Variants in EIF4G1 observed in about 807,000 individuals in gnomAD.
The protein encoded by EIF4G1 is eukaryotic translation initiation factor 4 gamma 1, also known as EIF4-gamma.
EIF4G1 carries 4 observed loss-of-function variants against 187.8 expected under a neutral mutation model. That is an observed-to-expected ratio of 0.02 (90% CI 0.01 to 0.05). The LOEUF (loss-of-function observed/expected upper bound fraction) is 0.05, where lower values mean the gene tolerates loss of function less well. Ranked by LOEUF, EIF4G1 falls within the 10% of genes least tolerant of loss-of-function variation. EIF4G1 has a pLI of 1.00. For synonymous variants in EIF4G1, 844 were observed against 781.4 expected (o/e 1.08, Z -1.34); for missense variants, 1,647 against 2,081.1 (o/e 0.79, Z 4.06).
At position 184,323,057 on chromosome 3, in the gene EIF4G1, G is replaced by C; in HGVS notation, c.1930-26G>C. 1 of 1,614,206 alleles carries C rather than the reference G, an allele frequency of 6.2e-7. No homozygotes were observed. Among genetic ancestry groups the C allele is most frequent in the Non-Finnish European group, 8.5e-7 (1 of 1,180,048 alleles). Reference sequence around the variant, plus strand: ...TAGTCAACCGCTCTAGCCTGCTTCTGAGACCTTTTCCTGTCCTCTTTGCAG... The same window carrying C: ...TAGTCAACCGCTCTAGCCTGCTTCTCAGACCTTTTCCTGTCCTCTTTGCAG... On this transcript the variant is annotated intron_variant, in intron 13 of 32. Coordinates refer to ENST00000346169, the MANE Select transcript of EIF4G1 (RefSeq NM_198241.3). The surrounding 1 kb of genome is among the most constrained non-coding windows in gnomAD (Gnocchi z 6.9).
In EIF4G1 at chr3:184,327,919, T is replaced by C. The variant is rs1560226000; in HGVS notation, c.3870T>C (p.Ser1290=). The change falls in exon 26 of 33, where the codon AGT becomes AGC. Residue 1290 remains serine (S), a synonymous_variant. Transcript: ENST00000346169. ...RHGVESTLER[S]AIAREHMGQL... is the part of the protein sequence containing the mutation. Reference sequence around the variant, plus strand: ...GTGTCGAGTCTACGCTGGAGCGCAGTGCCATTGCTCGTGAGCATATGGGGC... The same window carrying C: ...GTGTCGAGTCTACGCTGGAGCGCAGCGCCATTGCTCGTGAGCATATGGGGC... 6.2e-7 allele frequency: 1 copy of C among 1,613,280 alleles called. No homozygotes were observed.
At chr3:184,327,096 T>A in intron 23 of EIF4G1, 113 bp downstream of exon 23, 3 of 1,569,364 alleles carry the variant, frequency 1.9e-6, no homozygotes, top group Non-Finnish European at 2.6e-6. Flanking sequence ...AGCCCTTGGG[T>A]TAGATTGGGG....
chr3:184,321,028 A>C, intron 9 of EIF4G1, 35 bp downstream of exon 9: 1 of 1,608,826 alleles, frequency 6.2e-7, no homozygotes, highest in Non-Finnish European at 8.5e-7. Flanking sequence ...TTTTATGGGG[A>C]AAGGGAATGT....
chr3:184,319,877 G>A (rs568102045), intron 7 of EIF4G1, 76 bp downstream of exon 7: 50 of 1,074,128 alleles, frequency 4.7e-5, no homozygotes, highest in South Asian at 3.1e-4. Context: ...ACATTGTGCC[G>A]GAAAGAGCAG....
In EIF4G1 at chr3:184,321,905, A is replaced by G. The variant is rs1723951965; in HGVS notation, c.1321A>G (p.Thr441Ala). Residue 441 changes from threonine to alanine, a missense_variant, in exon 10 of 33, where the codon ACT becomes GCT. Physicochemically the swap from Thr to Ala is moderately conservative, Grantham distance 58 (BLOSUM62 0). Coordinates refer to ENST00000346169, the MANE Select transcript of EIF4G1 (RefSeq NM_198241.3). Reference sequence around the variant, plus strand: ...GGCGCCCCCCACCATCCCCTCTGCTACTCCAGCTACGGCTCCTTCAGCTAC... The same window carrying G: ...GGCGCCCCCCACCATCCCCTCTGCTGCTCCAGCTACGGCTCCTTCAGCTAC... ...SMAPPTIPSA[T>A]PATAPSATSP... is the part of the protein sequence containing the mutation. The G allele has an allele frequency of 6.2e-7, 1 of 1,613,986 alleles. No individual in the cohort carries two copies. The highest frequency in any genetic ancestry group is 1.1e-5 in the South Asian group (1 of 91,084).
Position 184,335,205 on chromosome 3 carries a change from C to CTT in EIF4G1, c.*304_*305dup. On this transcript the variant is annotated 3_prime_UTR_variant, in exon 33 of 33. Coordinates refer to ENST00000346169, the MANE Select transcript of EIF4G1 (RefSeq NM_198241.3). ...GGCACCAACGCCTGCCCCTGGGGTC[C>CTT]TTTTTTTTATTTTCTGAAAATCACT... 1 of 382,716 alleles carries CTT rather than the reference C, an allele frequency of 2.6e-6. No homozygotes were observed. The highest frequency in any genetic ancestry group is 4.8e-6 in the Non-Finnish European group (1 of 206,904). The allele number at this position is 382,716 out of a possible 1,614,324, so 23.7% of individuals were successfully genotyped here. A position where few individuals can be genotyped will look rare whatever the true frequency, so the allele number is the denominator to read the frequency against.
chr3:184,331,683 AG>A, intron 30 of EIF4G1, 44 bp from the exon 31 acceptor site: 1 of 1,613,912 alleles, frequency 6.2e-7, no homozygotes, highest in Non-Finnish European at 8.5e-7. Flanking sequence ...TGAAGACTGA[AG>A]GGCCCAATTC....
Position 184,321,679 on chromosome 3 carries a change from C to T in EIF4G1, c.1095C>T (p.Val365=), listed in dbSNP as rs1386247074. The T allele has an allele frequency of 3.1e-6, 5 of 1,597,684 alleles. No homozygotes were observed. Among genetic ancestry groups the T allele is most frequent in the Admixed American group, 1.7e-5 (1 of 58,984 alleles). The change falls in exon 10 of 33, where the codon GTC becomes GTT. Residue 365 remains valine (V), a synonymous_variant. Coordinates refer to ENST00000346169, the MANE Select transcript of EIF4G1 (RefSeq NM_198241.3). ...AAATTCATGAGCCTAATGGCATGGTCCCATCTGAAGATCTGGAACCAGAGG... is the reference window on the plus strand; with the variant it reads ...AAATTCATGAGCCTAATGGCATGGTTCCATCTGAAGATCTGGAACCAGAGG... ...TVEIHEPNGM[V]PSEDLEPEVE...
intron 21 of EIF4G1, among the ~76,000 whole-genome samples, 190 bp from the exon 22 acceptor site, chr3:184,326,337 A>G (rs1378265972): frequency 6.6e-6 from 1 of 152,212 alleles, no homozygotes; most frequent in Non-Finnish European, 1.5e-5. Flanking sequence ...GCATGCCTTT[A>G]TCATCTACAG....
rs1443519534 is a variant in EIF4G1, at chr3:184,321,381, C to T, written c.797C>T (p.Pro266Leu). The T allele has an allele frequency of 5.6e-6, 9 of 1,614,050 alleles. No homozygotes were observed. The highest frequency in any genetic ancestry group is 1.1e-5 in the South Asian group (1 of 91,088). ...ESQPSSPSPT[P>L]SPSPVLEPGS... is the part of the protein sequence containing the mutation. ...CAGCCTTCGTCGCCTTCTCCGACCC[C>T]ATCACCATCCCCAGTCTTGGAACCG... The change falls in exon 10 of 33, where the codon CCA (proline) becomes CTA (leucine). Residue 266 changes from proline (P) to leucine (L), a missense_variant. By Grantham distance (98) the Pro-to-Leu change is moderately conservative. Transcript: ENST00000346169.
At position 184,331,822 on chromosome 3, in the gene EIF4G1, A is replaced by G. The variant is rs756429213; in HGVS notation, c.4477+13A>G. 1.2e-6 allele frequency: 2 copies of G among 1,614,170 alleles called. No homozygotes were observed. Among genetic ancestry groups the G allele is most frequent in the Non-Finnish European group, 8.5e-7 (1 of 1,180,042 alleles). ...TCTGCAATTATTTGTAAGAGGAACC[A>G]GGGAGATGGAGGGGCAAGGGTGGGC... On this transcript the variant is annotated intron_variant, in intron 31 of 32. Coordinates refer to ENST00000346169, the MANE Select transcript of EIF4G1 (RefSeq NM_198241.3).
At chr3:184,326,735 G>A (rs746041466) in intron 22 of EIF4G1, 106 bp downstream of exon 22, 49 of 1,478,360 alleles carry the variant, frequency 3.3e-5, no homozygotes, top group South Asian at 5.7e-5. Context: ...TAGGCAATGC[G>A]GGCAATAGAG....
Position 184,319,464 on chromosome 3 carries a change from TGTTTG to T in EIF4G1, c.425-224_425-220del, listed in dbSNP as rs1723441800. Among the ~76,000 whole-genome samples the T allele has an allele frequency of 2.4e-4, 3 of 12,434 alleles. No individual in the cohort carries two copies. The East Asian group carries it at 3.7e-3, about 15-fold the overall frequency. 8.2% of individuals were successfully genotyped at this position (12,434 alleles called of 152,430 possible). ...GTGTGTGTGTGTGTGTGTGTGTGTGTGTTTGTGTGTGTGTGTGTGTTAGGAATTCT... is the reference window on the plus strand; with the variant it reads ...GTGTGTGTGTGTGTGTGTGTGTGTGTTGTGTGTGTGTGTGTTAGGAATTCT... On this transcript the variant is annotated intron_variant, in intron 6 of 32. Transcript: ENST00000346169.
chr3:184,333,955 G>T (rs1413329341), intron 32 of EIF4G1, among the ~76,000 whole-genome samples: 2 of 152,272 alleles, frequency 1.3e-5, no homozygotes, highest in South Asian at 2.1e-4. Context: ...AGGTGACTGT[G>T]CCCCTAGGCA....
In EIF4G1 at chr3:184,322,817, G is replaced by A. The variant is rs1164016797; in HGVS notation, c.1796-4G>A. The A allele has an allele frequency of 1.2e-6, 2 of 1,614,120 alleles. No homozygotes were observed. The highest frequency in any genetic ancestry group is 1.7e-6 in the Non-Finnish European group (2 of 1,180,060). Reference sequence around the variant, plus strand: ...ATGATTGCTTCATTCTGTTTTCCTTGCAGATCAGTGGAAGCCTCTAAACCT... The same window carrying A: ...ATGATTGCTTCATTCTGTTTTCCTTACAGATCAGTGGAAGCCTCTAAACCT... On this transcript the variant is annotated splice_polypyrimidine_tract_variant and splice_region_variant and intron_variant, in intron 12 of 32. Transcript: ENST00000346169.
chr3:184,333,415 G>A (rs568698803), intron 32 of EIF4G1, among the ~76,000 whole-genome samples: 33 of 152,248 alleles, frequency 2.2e-4, no homozygotes, highest in Admixed American at 1.6e-3. Context: ...AAGAGGATAC[G>A]GGCTTGCCTG....
chr3:184,319,583 G>A (rs1376426082), intron 6 of EIF4G1, 106 bp from the exon 7 acceptor site: 37 of 775,394 alleles, frequency 4.8e-5, no homozygotes, highest in South Asian at 8.8e-5. Context: ...GCAAGGGGCC[G>A]GCTGTGGGTG....
At chr3:184,326,729 C>G (rs1188640178) in intron 22 of EIF4G1, 100 bp downstream of exon 22, 1 of 1,483,372 alleles carries the variant, frequency 6.7e-7, no homozygotes. Context: ...GGTGGTTAGG[C>G]AATGCGGGCA....
In EIF4G1 at chr3:184,323,618, C is replaced by G. The variant is rs1441733954; in HGVS notation, c.2274+25C>G. 1 of 1,613,520 alleles carries G rather than the reference C, an allele frequency of 6.2e-7. No homozygotes were observed. The highest frequency in any genetic ancestry group is 1.1e-5 in the South Asian group (1 of 91,038). The stretch of plus-strand genomic sequence containing the variant: ...GGTACTGGCAAGTCCTGCTTTTGGT[C>G]TCTCTCCATTTCTTCTCCAGGTCTG... On this transcript the variant is annotated intron_variant, in intron 15 of 32. Coordinates refer to ENST00000346169, the MANE Select transcript of EIF4G1 (RefSeq NM_198241.3). This position sits in a 1 kb window ranked among gnomAD's most constrained non-coding sequence, Gnocchi z 6.9.
Sources: gnomAD v4.1 joint callset for allele counts (sites outside exome capture counted in the v4.1 genomes callset) on GRCh38, gnomAD v4.1.1 for gene constraint, Gnocchi (gnomAD v3.1) non-coding constraint, MANE v1.5 for transcripts, NCBI Gene and HGNC (gene_info 2026-07-23, HGNC 2026-07-21) for gene names.